The following GCAT variants were observed in gnomAD, a reference collection of about 807,000 sequenced individuals.
GCAT encodes the protein 2-amino-3-ketobutyrate coenzyme A ligase, mitochondrial.
Under a neutral mutation model 39.7 loss-of-function variants are expected in GCAT, and 26 were observed. That is an observed-to-expected ratio of 0.65 (90% CI 0.48 to 0.91). The LOEUF is 0.91. GCAT is among the 40% of genes least tolerant of loss of function. GCAT has a pLI of 0.00. For missense variants in GCAT, 550 were observed against 576.2 expected, an observed-to-expected ratio of 0.95 and a Z score of 0.47; for synonymous variants, 218 against 237.2, an observed-to-expected ratio of 0.92 and a Z score of 0.74.
At chr22:37,811,592 T>C (rs5756827) in intron 2 of GCAT, among the ~76,000 whole-genome samples, 1 of 151,718 alleles carries the variant, frequency 6.6e-6, no homozygotes, top group Non-Finnish European at 1.5e-5. Flanking sequence ...TATATAAGTA[T>C]GAAACTTAAA....
rs1253825011 is a variant in GCAT, at chr22:37,815,157, G to A, written c.608G>A (p.Gly203Glu). 6.2e-7 allele frequency: 1 copy of A among 1,614,052 alleles called. No individual in the cohort carries two copies. The highest frequency in any genetic ancestry group is 8.5e-7 in the Non-Finnish European group (1 of 1,180,004). ...KHRLRLVATDGAFSMDGDIAP... is the reference protein window; with the variant it reads ...KHRLRLVATDEAFSMDGDIAP... The stretch of plus-strand genomic sequence containing the variant: ...CGGCTGCGCCTGGTGGCCACTGATG[G>A]GGCCTTTTCCATGGATGGCGACATC... The change falls in exon 5 of 9, where the codon GGG (glycine) becomes GAG (glutamate). Residue 203 changes from glycine to glutamate, a missense_variant. This residue lies in a region of GCAT where 378 missense variants were observed against 390.4 expected (regional missense o/e 0.97). Transcript: ENST00000248924.
At chr22:37,813,174 G>C in intron 3 of GCAT, 186 bp downstream of exon 3, 2 of 636,228 alleles carry the variant, frequency 3.1e-6, no homozygotes, top group Non-Finnish European at 5.6e-6. Flanking sequence ...CTTGCAGGGA[G>C]CCTGAGTTCC....
chr22:37,816,873 A>C lies in GCAT; in HGVS notation c.*155A>C, dbSNP rs1922265296. 8.8e-6 allele frequency: 6 copies of C among 679,916 alleles called. No homozygotes were observed. The highest frequency in any genetic ancestry group is 1.5e-5 in the Non-Finnish European group (6 of 405,902). The allele number at this position is 679,916 out of a possible 1,614,324, so 42.1% of individuals were successfully genotyped here. ...GTGCTGAGGGCTGTGAGAATGTGAA[A>C]CAACAGTGTGAAAATTGGCTGTGAC... On this transcript the variant is annotated 3_prime_UTR_variant, in exon 9 of 9. Transcript: ENST00000248924.
intron 2 of GCAT, among the ~76,000 whole-genome samples, chr22:37,811,666 CT>C (rs1921609959): frequency 1.3e-5 from 2 of 151,486 alleles, no homozygotes; most frequent in African/African-American, 4.9e-5. Context: ...GGCGTGGTGG[CT>C]TATGCCTGTA....
chr22:37,808,114 CA>C lies in GCAT; in HGVS notation c.148del (p.Ile50SerfsTer29). On this transcript the variant is annotated frameshift_variant, in exon 1 of 9. Transcript: ENST00000248924. LOFTEE classifies it high-confidence loss of function. ...CTGGCACTTGGAAGAGTGAGCGGGTCATCACGTCCCGTCAGGGGCCGCACAT... is the reference window on the plus strand; with the variant it reads ...CTGGCACTTGGAAGAGTGAGCGGGTCTCACGTCCCGTCAGGGGCCGCACAT... ...GAGTWKSERVITSRQGPHIRV... is the reference protein window; with the variant it reads ...GAGTWKSERVXTSRQGPHIRV... 1 of 1,558,886 alleles carries C rather than the reference CA, an allele frequency of 6.4e-7. No individual in the cohort carries two copies. Among genetic ancestry groups the C allele is most frequent in the Non-Finnish European group, 8.7e-7 (1 of 1,155,568 alleles).
rs1026408798 is a variant in GCAT at position 37,815,641 on chromosome 22, C to G, written c.815-22C>G. On this transcript the variant is annotated intron_variant, in intron 6 of 8. Transcript: ENST00000248924. ...TCTGGCCCCTGACCAACCCCTCCCC[C>G]CACCTCTTCCCTTCTTCTCAGGGGG... The G allele has an allele frequency of 7.6e-6, 12 of 1,579,366 alleles. No individual in the cohort carries two copies. The Admixed American group carries it at 1.2e-4, about 15-fold the overall frequency.
intron 4 of GCAT, among the ~76,000 whole-genome samples, chr22:37,814,638 A>G (rs952640083): frequency 6.6e-5 from 10 of 152,136 alleles, no homozygotes; most frequent in African/African-American, 9.7e-5. Flanking sequence ...CCAAAGTTAC[A>G]GGCATGAGCC....
intron 6 of GCAT, 26 bp from the exon 7 acceptor site, chr22:37,815,636 TC>T (rs1002929663): frequency 8.4e-6 from 13 of 1,553,108 alleles, no homozygotes; most frequent in East Asian, 4.5e-5. Context: ...GACCAACCCC[TC>T]CCCCCACCTC....
At chr22:37,815,023 G>A in intron 4 of GCAT, 103 bp from the exon 5 acceptor site, 2 of 1,135,072 alleles carry the variant, frequency 1.8e-6, no homozygotes, top group South Asian at 2.7e-5. Flanking sequence ...CCTCTGTGCT[G>A]GGCACTGGGC....
chr22:37,815,086 A>G (rs1243930160), intron 4 of GCAT, 40 bp from the exon 5 acceptor site: 1 of 1,605,670 alleles, frequency 6.2e-7, no homozygotes, highest in Non-Finnish European at 8.5e-7. Flanking sequence ...GTTTGGCCCA[A>G]CTTGACACCA....
intron 4 of GCAT, among the ~76,000 whole-genome samples, 158 bp downstream of exon 4, chr22:37,813,767 C>A (rs751565457): frequency 7.5e-5 from 11 of 146,084 alleles, no homozygotes; most frequent in Non-Finnish European, 1.5e-4. Flanking sequence ...GAGCATTATT[C>A]TTTTTTTTTT....
Position 37,815,808 on chromosome 22 carries a change from C to G in GCAT, c.960C>G (p.Val320=). 6.2e-7 allele frequency: 1 copy of G among 1,614,076 alleles called. No homozygotes were observed. The highest frequency in any genetic ancestry group is 8.5e-7 in the Non-Finnish European group (1 of 1,179,978). ...TGCTGATGGGGAGTAACACCATTGT[C>G]CAGTCTATGGCTGCCAAGACCCAGA... ...LDLLMGSNTI[V]QSMAAKTQRF... The change falls in exon 7 of 9, where the codon GTC becomes GTG. Residue 320 remains valine, a synonymous_variant. Coordinates refer to ENST00000248924, the MANE Select transcript of GCAT (RefSeq NM_014291.4).
intron 2 of GCAT, among the ~76,000 whole-genome samples, chr22:37,811,616 G>A (rs60431402): frequency 0.018 from 2,677 of 150,434 alleles, 71 homozygotes; most frequent in African/African-American, 0.062. Context: ...TACTTATTAT[G>A]TGCCAGGAAT....
rs1006542051 is a variant in GCAT, at chr22:37,815,269, G to A, written c.720G>A (p.Gly240=). ...AATGCCATGCCACTGGCTTCCTGGGGCCCACAGGACGGTGGGACCATGTGG... is the reference window on the plus strand; with the variant it reads ...AATGCCATGCCACTGGCTTCCTGGGACCCACAGGACGGTGGGACCATGTGG... The part of the protein sequence containing the change: ...MDECHATGFL[G]PTGRGTDELL... Residue 240 remains glycine (G), a synonymous_variant, in exon 5 of 9, where the codon GGG becomes GGA. Coordinates refer to ENST00000248924, the MANE Select transcript of GCAT (RefSeq NM_014291.4). The A allele has an allele frequency of 1.9e-6, 3 of 1,613,580 alleles. No homozygotes were observed. The highest frequency in any genetic ancestry group is 2.7e-5 in the African/African-American group (2 of 74,934).
intron 7 of GCAT, 158 bp downstream of exon 7, chr22:37,815,992 G>T (rs1052529983): frequency 1.3e-4 from 63 of 468,386 alleles, no homozygotes; most frequent in Middle Eastern, 1.0e-3. Context: ...TCTAGCTTCT[G>T]TGTCTCCTTC....
intron 4 of GCAT, among the ~76,000 whole-genome samples, chr22:37,814,559 A>G (rs1921950898): frequency 6.6e-6 from 1 of 152,152 alleles, no homozygotes; most frequent in African/African-American, 2.4e-5. Context: ...CACCGCACCC[A>G]GCCTGTTTGT....
chr22:37,811,248 T>C (rs1921553233), intron 2 of GCAT, among the ~76,000 whole-genome samples: 1 of 151,940 alleles, frequency 6.6e-6, no homozygotes, highest in East Asian at 1.9e-4. Flanking sequence ...TTTGGGAGGC[T>C]GATGCAGGCG....
chr22:37,815,361 T>G lies in GCAT; in HGVS notation c.732-57T>G, dbSNP rs113225539. The G allele has an allele frequency of 2.9e-3, 4,650 of 1,597,226 alleles. 103 individuals are homozygous for G. The African/African-American group carries it at 0.054, about 18-fold the overall frequency. On this transcript the variant is annotated intron_variant, in intron 5 of 8. Coordinates refer to ENST00000248924, the MANE Select transcript of GCAT (RefSeq NM_014291.4). ...ACGAGGAGGCCAGTCCCCAGCATGA[T>G]CCATAATCCCTGGGCTCTCAGGAGG... is the stretch of plus-strand genomic sequence containing the variant.
Position 37,816,647 on chromosome 22 carries a change from A to C in GCAT, c.1189A>C (p.Ser397Arg), listed in dbSNP as rs143117832. 1.2e-4 allele frequency: 195 copies of C among 1,614,152 alleles called. 1 individual carries two copies. In the African/African-American group the frequency reaches 2.2e-3, roughly 19 times the overall value. The change falls in exon 9 of 9, where the codon AGC (serine) becomes CGC (arginine). Residue 397 changes from serine (S) to arginine (R), a missense_variant. This residue lies in a region of GCAT where 378 missense variants were observed against 390.4 expected (regional missense o/e 0.97). Transcript: ENST00000248924. The part of the protein sequence containing the change: ...RIRVQISAVH[S>R]EEDIDRCVEA... ...CCGGGTACAGATCTCAGCAGTGCAT[A>C]GCGAGGAAGACATTGACCGCTGCGT...
Sources: allele counts gnomAD v4.1 joint callset (sites outside exome capture counted in the v4.1 genomes callset), GRCh38; gene constraint gnomAD v4.1.1; regional missense constraint gnomAD v4.1.1; transcripts MANE v1.5; gene names NCBI Gene and HGNC (gene_info 2026-07-23, HGNC 2026-07-21).